Variants in SPATA16 observed in about 807,000 individuals in gnomAD.
The protein encoded by SPATA16 is spermatogenesis-associated protein 16.
A neutral mutation model predicts 63.3 loss-of-function variants in SPATA16; 36 were observed. The observed-to-expected ratio is 0.57, with a 90% CI of 0.44 to 0.75. The LOEUF is 0.75. Ranked by LOEUF, SPATA16 falls within the 30% of genes least tolerant of loss-of-function variation. The pLI is 0.00. For synonymous variants in SPATA16, 203 were observed against 216.7 expected (o/e 0.94, Z 0.56); for missense variants, 646 against 679.3 (o/e 0.95, Z 0.54).
chr3:172,890,374 T>C (rs1731868738), intron 10 of SPATA16, among the ~76,000 whole-genome samples: 2 of 152,164 alleles, frequency 1.3e-5, no homozygotes, highest in Non-Finnish European at 2.9e-5. Flanking sequence ...AACTATAGAA[T>C]AAAAGTTTAC....
chr3:173,033,210 C>T (rs1411068874), intron 3 of SPATA16, among the ~76,000 whole-genome samples: 3 of 151,926 alleles, frequency 2.0e-5, no homozygotes, highest in African/African-American at 7.3e-5. Context: ...AAAAAAGATC[C>T]TCATCTTTGT....
intron 3 of SPATA16, among the ~76,000 whole-genome samples, chr3:173,035,095 A>G (rs2108286337): frequency 6.6e-6 from 1 of 152,272 alleles, no homozygotes; most frequent in South Asian, 2.1e-4. Context: ...TATAATGACA[A>G]CAGCATATAT....
chr3:173,062,055 T>G (rs1285192696), intron 2 of SPATA16, among the ~76,000 whole-genome samples: 1 of 150,618 alleles, frequency 6.6e-6, no homozygotes, highest in Non-Finnish European at 1.5e-5. Context: ...TTTTTTTTTT[T>G]TTTTTTTTTT....
At chr3:173,131,421 G>A (rs1738382085) in intron 1 of SPATA16, among the ~76,000 whole-genome samples, 1 of 152,156 alleles carries the variant, frequency 6.6e-6, no homozygotes, top group Admixed American at 6.5e-5. Context: ...TTTGACAGGG[G>A]CAACTTCTAG....
At chr3:173,076,491 CTT>C (rs969366364) in intron 2 of SPATA16, among the ~76,000 whole-genome samples, 1 of 151,718 alleles carries the variant, frequency 6.6e-6, no homozygotes, top group Non-Finnish European at 1.5e-5. Context: ...GTGAGTAAGA[CTT>C]TTTTTAAAAA....
intron 4 of SPATA16, among the ~76,000 whole-genome samples, chr3:173,016,848 G>A (rs964659389): frequency 3.3e-5 from 5 of 151,950 alleles, no homozygotes; most frequent in Non-Finnish European, 4.4e-5. Context: ...ACCCCATCTA[G>A]ACTAAAAATA....
At chr3:172,995,705 A>G (rs1734678174) in intron 4 of SPATA16, among the ~76,000 whole-genome samples, 1 of 152,152 alleles carries the variant, frequency 6.6e-6, no homozygotes, top group South Asian at 2.1e-4. Context: ...TGATACTCTT[A>G]AACATAATGG....
intron 5 of SPATA16, among the ~76,000 whole-genome samples, chr3:172,959,787 CATATATATATAT>C (rs66806016): frequency 0.092 from 12,481 of 135,460 alleles, 691 homozygotes; most frequent in East Asian, 0.16. Context: ...AGTAATATAA[CATATATATATAT>C]ATATATATAT....
intron 1 of SPATA16, among the ~76,000 whole-genome samples, chr3:173,138,538 A>G (rs1419086255): frequency 6.6e-6 from 1 of 152,232 alleles, no homozygotes; most frequent in Non-Finnish European, 1.5e-5. Context: ...AGGCACATGC[A>G]CAACTTATTT....
chr3:173,096,943 G>T (rs967488814), intron 2 of SPATA16, among the ~76,000 whole-genome samples: 1 of 152,086 alleles, frequency 6.6e-6, no homozygotes, highest in Admixed American at 6.5e-5. Context: ...TAAGCAAAAA[G>T]AAATCAAGTT....
At chr3:172,924,123 C>T in intron 8 of SPATA16, 85 bp downstream of exon 8, 1 of 1,113,198 alleles carries the variant, frequency 9.0e-7, no homozygotes, top group Non-Finnish European at 1.3e-6. Context: ...CTAACACTTG[C>T]ACTATTTGCC....
At chr3:173,025,728 G>A (rs2108280373) in intron 3 of SPATA16, among the ~76,000 whole-genome samples, 1 of 151,868 alleles carries the variant, frequency 6.6e-6, no homozygotes, top group African/African-American at 2.4e-5. Flanking sequence ...TATGCGTACG[G>A]CTTCTTTCAC....
At chr3:173,102,139 T>C (rs1737512462) in intron 2 of SPATA16, among the ~76,000 whole-genome samples, 1 of 152,204 alleles carries the variant, frequency 6.6e-6, no homozygotes, top group South Asian at 2.1e-4. Context: ...TCACCTCCTA[T>C]ATAATTTCTC....
chr3:172,897,404 T>C (rs983793618), intron 10 of SPATA16, among the ~76,000 whole-genome samples: 4 of 152,150 alleles, frequency 2.6e-5, no homozygotes, highest in Non-Finnish European at 4.4e-5. Flanking sequence ...GTCTATATTA[T>C]GTGAGGTCTT....
intron 10 of SPATA16, among the ~76,000 whole-genome samples, chr3:172,906,264 A>T (rs1426602238): frequency 2.0e-5 from 3 of 152,206 alleles, no homozygotes; most frequent in African/African-American, 7.2e-5. Flanking sequence ...GCAAGGACAC[A>T]TCATGCTTCT....
chr3:172,902,378 T>C (rs1256098692), intron 10 of SPATA16, among the ~76,000 whole-genome samples: 1 of 152,082 alleles, frequency 6.6e-6, no homozygotes, highest in East Asian at 1.9e-4. Context: ...ATGGGGTGAA[T>C]GGGGGAAAGC....
In SPATA16 at chr3:172,994,478, G is replaced by A. The variant is rs549463438; in HGVS notation, c.849-17426C>T. On this transcript the variant is annotated intron_variant, in intron 4 of 10. Transcript: ENST00000351008. The stretch of plus-strand genomic sequence containing the variant: ...CAGAAGATGGCATAGGCAAATGTGT[G>A]GAAGCATAAAATAACATGCTGTGCT... 7.1e-4 allele frequency among the ~76,000 whole-genome samples: 108 copies of A among 152,208 alleles called. 1 individual carries two copies. The South Asian group carries it at 0.015, about 21-fold the overall frequency.
intron 10 of SPATA16, among the ~76,000 whole-genome samples, chr3:172,895,623 C>T (rs557954666): frequency 7.2e-5 from 11 of 152,132 alleles, no homozygotes; most frequent in African/African-American, 2.4e-4. Flanking sequence ...AGTGAGCCAC[C>T]GTGCCTGGCC....
intron 3 of SPATA16, among the ~76,000 whole-genome samples, chr3:173,019,825 G>A (rs1735279712): frequency 6.6e-6 from 1 of 152,234 alleles, no homozygotes; most frequent in South Asian, 2.1e-4. Flanking sequence ...TTACAGATAT[G>A]ACAATGGCAA....
Sources: gnomAD v4.1 joint callset for allele counts (sites outside exome capture counted in the v4.1 genomes callset) on GRCh38, gnomAD v4.1.1 for gene constraint, MANE v1.5 for transcripts, NCBI Gene and HGNC (gene_info 2026-07-23, HGNC 2026-07-21) for gene names.